The following MAPKAPK5 variants were observed in gnomAD, a reference collection of about 807,000 sequenced individuals.
The protein encoded by MAPKAPK5 is MAPK activated protein kinase 5.
A neutral mutation model predicts 65.1 loss-of-function variants in MAPKAPK5; 30 were observed. The observed-to-expected ratio is 0.46, with a 90% confidence interval of 0.34 to 0.63. The LOEUF (loss-of-function observed/expected upper bound fraction) is 0.63, where lower values mean the gene tolerates loss of function less well. MAPKAPK5 is among the 20% of genes least tolerant of loss of function. The pLI is 0.01. For missense variants in MAPKAPK5, 433 were observed against 581.4 expected (o/e 0.74, Z 2.63); for synonymous variants, 179 against 204.6 (o/e 0.87, Z 1.07).
intron 11 of MAPKAPK5, 112 bp downstream of exon 11, chr12:111,888,730 G>A: frequency 6.5e-7 from 1 of 1,528,014 alleles, no homozygotes; most frequent in Non-Finnish European, 8.8e-7. Context: ...CCTCTGAAGA[G>A]GGTGGAGAGG....
intron 1 of MAPKAPK5, among the ~76,000 whole-genome samples, chr12:111,861,032 A>AC (rs2069419488): frequency 6.6e-6 from 1 of 151,604 alleles, no homozygotes; most frequent in African/African-American, 2.4e-5. Context: ...AGTGGTGGGC[A>AC]CCTGTAATAC....
intron 5 of MAPKAPK5, among the ~76,000 whole-genome samples, chr12:111,869,238 A>G (rs186409648): frequency 2.6e-5 from 4 of 152,212 alleles, no homozygotes; most frequent in Non-Finnish European, 5.9e-5. Flanking sequence ...TGGTATAAAA[A>G]TGTATTTTAA....
At position 111,853,834 on chromosome 12, in the gene MAPKAPK5, C is replaced by G. The variant is rs112597761; in HGVS notation, c.36+11065C>G. Reference sequence around the variant, plus strand: ...ACAGGCTTAAGCCACTACGCCCGGCCTGGCTGACAGTTTTATCAGGAATGG... The same window carrying G: ...ACAGGCTTAAGCCACTACGCCCGGCGTGGCTGACAGTTTTATCAGGAATGG... On this transcript the variant is annotated intron_variant, in intron 1 of 13. Coordinates refer to ENST00000550735, the MANE Select transcript of MAPKAPK5 (RefSeq NM_003668.4). 4.0e-3 allele frequency among the ~76,000 whole-genome samples: 606 copies of G among 152,260 alleles called. 4 individuals carry two copies. The highest frequency in any genetic ancestry group is 0.014 in the African/African-American group (562 of 41,548).
intron 4 of MAPKAPK5, 92 bp downstream of exon 4, chr12:111,867,761 T>G (rs2069659875): frequency 1.1e-6 from 1 of 910,844 alleles, no homozygotes. Flanking sequence ...TCCCCTTCCC[T>G]CTCCTTCTTC....
At chr12:111,866,366 A>G in intron 3 of MAPKAPK5, 135 bp downstream of exon 3, 1 of 677,452 alleles carries the variant, frequency 1.5e-6, no homozygotes, top group African/African-American at 1.8e-5. Flanking sequence ...TCTCTTCCCC[A>G]TTCATGCTAT....
At chr12:111,876,205 C>CAAA (rs751802746) in intron 7 of MAPKAPK5, among the ~76,000 whole-genome samples, 5 of 43,482 alleles carry the variant, frequency 1.1e-4, no homozygotes, top group East Asian at 4.1e-4. Flanking sequence ...GACTCCATCT[C>CAAA]AAAAAAAAAA....
chr12:111,857,178 A>T (rs1056629039), intron 1 of MAPKAPK5, among the ~76,000 whole-genome samples: 56 of 150,508 alleles, frequency 3.7e-4, no homozygotes, highest in African/African-American at 1.3e-3. Flanking sequence ...GAAGAAAATA[A>T]TTTTTTCCAT....
At position 111,871,194 on chromosome 12, in the gene MAPKAPK5, G is replaced by A. The variant is rs2069770665; in HGVS notation, c.579+14G>A. 6.2e-7 allele frequency: 1 copy of A among 1,606,760 alleles called. No individual in the cohort carries two copies. The highest frequency in any genetic ancestry group is 1.3e-5 in the African/African-American group (1 of 74,654). On this transcript the variant is annotated intron_variant, in intron 7 of 13. Coordinates refer to ENST00000550735, the MANE Select transcript of MAPKAPK5 (RefSeq NM_003668.4). ...GTAGCACCCCAGGTAAGCATGTGCG[G>A]TTTCTGTCCTAAGATCTGTCACCAA...
chr12:111,890,738 A>G (rs1391761982), intron 13 of MAPKAPK5, among the ~76,000 whole-genome samples: 1 of 152,112 alleles, frequency 6.6e-6, no homozygotes, highest in Admixed American at 6.5e-5. Flanking sequence ...GCTCATTGCA[A>G]CCTCTGCCTT....
At chr12:111,869,446 G>C (rs1261169506) in intron 5 of MAPKAPK5, among the ~76,000 whole-genome samples, 1 of 152,126 alleles carries the variant, frequency 6.6e-6, no homozygotes. Context: ...TCTTGCAGAG[G>C]TGAAAAGCTA....
At position 111,897,035 on chromosome 12, in the gene MAPKAPK5, G is replaced by A. The variant is rs1280479235; in HGVS notation, c.*3974G>A. 2 of 152,306 alleles carry A rather than the reference G, an allele frequency of 1.3e-5. No homozygotes were observed. Among genetic ancestry groups the A allele is most frequent in the Non-Finnish European group, 2.9e-5 (2 of 68,132 alleles). 9.4% of individuals were successfully genotyped at this position (152,306 alleles called of 1,614,324 possible). A position where few individuals can be genotyped will look rare whatever the true frequency, so the allele number is the denominator to read the frequency against. On this transcript the variant is annotated 3_prime_UTR_variant, in exon 14 of 14. Coordinates refer to ENST00000550735, the MANE Select transcript of MAPKAPK5 (RefSeq NM_003668.4). ...TAATCCCAGCTGCTCGGGAGGCTGAGGCAGGAGAATTGCTTGAACCTGGGA... is the reference window on the plus strand; with the variant it reads ...TAATCCCAGCTGCTCGGGAGGCTGAAGCAGGAGAATTGCTTGAACCTGGGA...
chr12:111,872,358 C>G (rs546996486), intron 7 of MAPKAPK5, among the ~76,000 whole-genome samples: 1 of 152,246 alleles, frequency 6.6e-6, no homozygotes, highest in South Asian at 2.1e-4. Context: ...ACGACATTGT[C>G]CTGATGGCCA....
intron 10 of MAPKAPK5, among the ~76,000 whole-genome samples, chr12:111,886,861 T>C (rs986005919): frequency 1.3e-5 from 2 of 152,178 alleles, no homozygotes; most frequent in Non-Finnish European, 2.9e-5. Flanking sequence ...TCTGCAGTAA[T>C]CTAGAAGTCG....
Position 111,857,891 on chromosome 12 carries a change from G to T in MAPKAPK5, c.37-7359G>T, listed in dbSNP as rs4767084. ...TCTTTCTCTTTCAGTGTTTTTTTTTGTGTGTGTGTGTTTGTGTGTGTGTGT... is the reference window on the plus strand; with the variant it reads ...TCTTTCTCTTTCAGTGTTTTTTTTTTTGTGTGTGTGTTTGTGTGTGTGTGT... On this transcript the variant is annotated intron_variant, in intron 1 of 13. Transcript: ENST00000550735. Among the ~76,000 whole-genome samples the T allele has an allele frequency of 0.056, 8,319 of 147,270 alleles. 1,261 individuals are homozygous for T. In the East Asian group the frequency reaches 0.61, roughly 11 times the overall value.
rs556142758 is a variant in MAPKAPK5 at position 111,900,428 on chromosome 12, T to C, written c.*7367T>C. The C allele has an allele frequency of 8.8e-6, 4 of 456,076 alleles. No individual in the cohort carries two copies. In the East Asian group the frequency reaches 2.1e-4, roughly 24 times the overall value. 28.3% of individuals were successfully genotyped at this position (456,076 alleles called of 1,614,324 possible). On this transcript the variant is annotated 3_prime_UTR_variant, in exon 14 of 14. Transcript: ENST00000550735. ...CCTGCTTTTGTAAAGATAAGCACTT[T>C]TGCCTCATGCATGAAAATATCACAA... is the stretch of plus-strand genomic sequence containing the variant.
rs1207081390 is a variant in MAPKAPK5, at chr12:111,901,388, G to A, written c.*8327G>A. 1 of 456,092 alleles carries A rather than the reference G, an allele frequency of 2.2e-6. No individual in the cohort carries two copies. Among genetic ancestry groups the A allele is most frequent in the African/African-American group, 2.0e-5 (1 of 50,202 alleles). The allele number at this position is 456,092 out of a possible 1,614,324, so 28.3% of individuals were successfully genotyped here. Reference sequence around the variant, plus strand: ...GTGTGGACAGTGGCCCTCCTGGTAAGCTAGGTGGGACACCTTCAGGAGAAG... The same window carrying A: ...GTGTGGACAGTGGCCCTCCTGGTAAACTAGGTGGGACACCTTCAGGAGAAG... On this transcript the variant is annotated 3_prime_UTR_variant, in exon 14 of 14. Transcript: ENST00000550735.
Position 111,888,592 on chromosome 12 carries a change from C to G in MAPKAPK5, c.1074C>G (p.Pro358=), listed in dbSNP as rs558436026. 9 of 1,613,686 alleles carry G rather than the reference C, an allele frequency of 5.6e-6. No homozygotes were observed. Among genetic ancestry groups the G allele is most frequent in the Non-Finnish European group, 7.6e-6 (9 of 1,179,826 alleles). The change falls in exon 11 of 14, where the codon CCC becomes CCG. Residue 358 remains proline, a synonymous_variant. Transcript: ENST00000550735. The part of the protein sequence containing the change: ...SLKPLHSVNN[P]ILRKRKLLGT... The stretch of plus-strand genomic sequence containing the variant: ...AACCCCTGCACTCAGTGAACAACCC[C>G]ATTCTGCGGAAGAGGAAGTTACTTG...
intron 8 of MAPKAPK5, among the ~76,000 whole-genome samples, chr12:111,882,443 C>T (rs1445493056): frequency 6.6e-6 from 1 of 152,144 alleles, no homozygotes; most frequent in South Asian, 2.1e-4. Context: ...TGCAGAGCAC[C>T]GCACAGCTGT....
rs1284870764 is a variant in MAPKAPK5, at chr12:111,890,121, C to G, written c.1298C>G (p.Thr433Ser). ...CGGGAATGCAAACTCCTAAGAGATA[C>G]TCTGCAGAGCTTCAGCTGGAATGGT... The part of the protein sequence containing the change: ...YNRECKLLRD[T>S]LQSFSWNGRG... Residue 433 changes from threonine (T) to serine (S), a missense_variant, in exon 13 of 14, where the codon ACT becomes AGT. Physicochemically the swap from Thr to Ser is moderately conservative, Grantham distance 58. Transcript: ENST00000550735. 2 of 1,594,692 alleles carry G rather than the reference C, an allele frequency of 1.3e-6. No individual in the cohort carries two copies.
Sources: allele counts gnomAD v4.1 joint callset (sites outside exome capture counted in the v4.1 genomes callset), GRCh38; gene constraint gnomAD v4.1.1; transcripts MANE v1.5; gene names NCBI Gene and HGNC (gene_info 2026-07-23, HGNC 2026-07-21).